Variants in BBS9 observed in about 807,000 individuals in gnomAD.
The protein encoded by BBS9 is protein PTHB1.
BBS9 carries 89 observed loss-of-function variants against 117.7 expected under a neutral mutation model. The observed-to-expected ratio is 0.76, with a 90% CI of 0.64 to 0.90. The LOEUF (loss-of-function observed/expected upper bound fraction) is 0.90. Ranked by LOEUF, BBS9 falls within the 40% of genes least tolerant of loss-of-function variation. The pLI is 0.00. For synonymous variants in BBS9, 379 were observed against 370.9 expected, an observed-to-expected ratio of 1.02 and a Z score of -0.25; for missense variants, 982 against 1,042.2, an observed-to-expected ratio of 0.94 and a Z score of 0.80.
chr7:33,581,288 C>T (rs900057955), intron 21 of BBS9, among the ~76,000 whole-genome samples: 1 of 152,062 alleles, frequency 6.6e-6, no homozygotes, highest in Non-Finnish European at 1.5e-5. Flanking sequence ...AAGTTCTTCT[C>T]ACTGGCGAAA....
Position 33,340,884 on chromosome 7 carries a change from T to C in BBS9, c.1199-13T>C. The C allele has an allele frequency of 6.2e-7, 1 of 1,610,220 alleles. No homozygotes were observed. Among genetic ancestry groups the C allele is most frequent in the Non-Finnish European group, 8.5e-7 (1 of 1,177,798 alleles). ...CTTTATGATTAAATAATTTTTCTTT[T>C]TTTAAATCACAGGTGTTTGGCCCAT... is the stretch of plus-strand genomic sequence containing the variant. On this transcript the variant is annotated splice_polypyrimidine_tract_variant and intron_variant, in intron 10 of 22. Transcript: ENST00000242067.
intron 21 of BBS9, among the ~76,000 whole-genome samples, chr7:33,600,395 G>T (rs1191212084): frequency 8.8e-6 from 1 of 114,234 alleles, no homozygotes; most frequent in Non-Finnish European, 1.6e-5. Flanking sequence ...AATTTGAAAA[G>T]CAAGTTTTTT....
At chr7:33,352,980 A>T in intron 15 of BBS9, 107 bp downstream of exon 15, 1 of 1,187,838 alleles carries the variant, frequency 8.4e-7, no homozygotes, top group African/African-American at 1.5e-5. Context: ...TGCTCTTTTA[A>T]CTAGAAGAAG....
At chr7:33,185,770 A>G (rs372855013) in intron 5 of BBS9, among the ~76,000 whole-genome samples, 34 of 152,232 alleles carry the variant, frequency 2.2e-4, no homozygotes, top group African/African-American at 8.0e-4. Flanking sequence ...TCATGTCTCA[A>G]TAAAGGAATT....
chr7:33,549,950 A>G (rs1337760821), intron 21 of BBS9, among the ~76,000 whole-genome samples: 1 of 152,182 alleles, frequency 6.6e-6, no homozygotes, highest in Non-Finnish European at 1.5e-5. Context: ...GGCATTTGGT[A>G]CTGTTTTGTC....
At chr7:33,307,972 A>G (rs1318183520) in intron 9 of BBS9, among the ~76,000 whole-genome samples, 1 of 152,206 alleles carries the variant, frequency 6.6e-6, no homozygotes, top group African/African-American at 2.4e-5. Context: ...TATTGTTAGC[A>G]CATCTCCAAA....
chr7:33,232,333 T>C (rs1792620053), intron 5 of BBS9, among the ~76,000 whole-genome samples: 1 of 152,106 alleles, frequency 6.6e-6, no homozygotes, highest in Admixed American at 6.6e-5. Flanking sequence ...CAGAAACTTA[T>C]TAAGAAGAAA....
chr7:33,226,807 G>A (rs556789744), intron 5 of BBS9, among the ~76,000 whole-genome samples: 1 of 152,310 alleles, frequency 6.6e-6, no homozygotes, highest in Non-Finnish European at 1.5e-5. Flanking sequence ...AATATTGTAT[G>A]ATTCTTTTTA....
rs1491153351 is a variant in BBS9 at position 33,596,299 on chromosome 7, C to CACACACACACAT, written c.2522-8566_2522-8565insACACACACACAT. Among the ~76,000 whole-genome samples, 146 of 143,510 alleles carry CACACACACACAT rather than the reference C, an allele frequency of 1.0e-3. 2 individuals are homozygous for CACACACACACAT. The highest frequency in any genetic ancestry group is 3.1e-3 in the African/African-American group (117 of 38,096). 94.1% of individuals were successfully genotyped at this position (143,510 alleles called of 152,430 possible). On this transcript the variant is annotated intron_variant, in intron 21 of 22. Transcript: ENST00000242067. ...ACACACACACACACACACACACACA[C>CACACACACACAT]TTATATATGTGTGTGTGACTATTGA... is the stretch of plus-strand genomic sequence containing the variant.
chr7:33,521,612 AT>A, intron 20 of BBS9, among the ~76,000 whole-genome samples: 1 of 131,440 alleles, frequency 7.6e-6, no homozygotes, highest in African/African-American at 2.9e-5. Flanking sequence ...ATTAAAGCTG[AT>A]TTTTTTCAGT....
chr7:33,155,734 T>C, intron 4 of BBS9, 32 bp downstream of exon 4: 2 of 1,248,340 alleles, frequency 1.6e-6, no homozygotes, highest in African/African-American at 1.5e-5. Context: ...GTAGAATTTA[T>C]ATTACAAATT....
chr7:33,395,826 A>C (rs1349818978), intron 19 of BBS9, among the ~76,000 whole-genome samples: 1 of 152,182 alleles, frequency 6.6e-6, no homozygotes, highest in Non-Finnish European at 1.5e-5. Flanking sequence ...CTGATAACAC[A>C]GAGGAATATA....
intron 7 of BBS9, among the ~76,000 whole-genome samples, chr7:33,265,765 C>T (rs986597853): frequency 6.6e-6 from 1 of 152,198 alleles, no homozygotes; most frequent in Admixed American, 6.5e-5. Context: ...ATCGCTTGAA[C>T]CTGGGGGGCA....
At chr7:33,192,921 A>T (rs567116655) in intron 5 of BBS9, among the ~76,000 whole-genome samples, 1 of 152,320 alleles carries the variant, frequency 6.6e-6, no homozygotes, top group East Asian at 1.9e-4. Flanking sequence ...TTACTTAATC[A>T]CTTCCCAAAA....
At chr7:33,243,153 A>G (rs975179745) in intron 5 of BBS9, among the ~76,000 whole-genome samples, 1 of 152,212 alleles carries the variant, frequency 6.6e-6, no homozygotes, top group African/African-American at 2.4e-5. Context: ...AAGGTCATCA[A>G]TGTATTCATA....
At chr7:33,527,405 G>T (rs1230428884) in intron 20 of BBS9, among the ~76,000 whole-genome samples, 1 of 152,122 alleles carries the variant, frequency 6.6e-6, no homozygotes, top group African/African-American at 2.4e-5. Flanking sequence ...GCGAGACTCC[G>T]TGGGCGTAGG....
At chr7:33,138,698 A>G (rs1216924703) in intron 1 of BBS9, among the ~76,000 whole-genome samples, 1 of 150,986 alleles carries the variant, frequency 6.6e-6, no homozygotes, top group African/African-American at 2.4e-5. Context: ...GCAGGGGTGC[A>G]ATCATGGCTC....
At chr7:33,533,647 C>G (rs992966655) in intron 20 of BBS9, 10 of 410,610 alleles carry the variant, frequency 2.4e-5, no homozygotes, top group Non-Finnish European at 4.5e-5. Context: ...TGTTGTTACT[C>G]ATTACTCTAT....
chr7:33,617,541 C>T (rs1865202386), intron 21 of BBS9, among the ~76,000 whole-genome samples: 1 of 151,884 alleles, frequency 6.6e-6, no homozygotes, highest in African/African-American at 2.4e-5. Flanking sequence ...GCACCAGTAA[C>T]CAGCTCTAAA....
Sources: gnomAD v4.1 joint callset for allele counts (sites outside exome capture counted in the v4.1 genomes callset) on GRCh38, gnomAD v4.1.1 for gene constraint, MANE v1.5 for transcripts, NCBI Gene and HGNC (gene_info 2026-07-23, HGNC 2026-07-21) for gene names.